Variants in CAST observed in about 807,000 individuals in gnomAD.
CAST encodes the protein MIR583 host.
CAST carries 76 observed loss-of-function variants against 119.6 expected under a neutral mutation model. That is an observed-to-expected ratio of 0.64 (90% CI 0.53 to 0.77). The LOEUF is 0.77. CAST is among the 30% of genes least tolerant of loss of function. CAST has a pLI of 0.00. For synonymous variants in CAST, 319 were observed against 331.6 expected, an observed-to-expected ratio of 0.96 and a Z score of 0.41; for missense variants, 953 against 946.5, an observed-to-expected ratio of 1.01 and a Z score of -0.09.
chr5:96,762,103 A>G (rs899001624), intron 24 of CAST, 171 bp from the exon 25 acceptor site: 3 of 446,464 alleles, frequency 6.7e-6, no homozygotes, highest in African/African-American at 6.1e-5. Flanking sequence ...AAATAATACA[A>G]TAGAGAAGAA....
chr5:96,053,660 C>G, the CAST span, among the ~76,000 whole-genome samples: 1 of 152,176 alleles, frequency 6.6e-6, no homozygotes, highest in Admixed American at 6.5e-5. Flanking sequence ...ATCAGTATCA[C>G]TTATGACTTT....
intron 1 of CAST, among the ~76,000 whole-genome samples, chr5:96,668,673 A>G (rs924271749): frequency 2.6e-5 from 4 of 152,224 alleles, no homozygotes; most frequent in African/African-American, 7.2e-5. Context: ...TTATCTGCCC[A>G]AGGTCACGGT....
the CAST span, among the ~76,000 whole-genome samples, chr5:95,978,273 T>C: frequency 6.6e-6 from 1 of 152,220 alleles, no homozygotes; most frequent in African/African-American, 2.4e-5. Context: ...CAACAGTGTA[T>C]ATGTGTTCTT....
At chr5:96,289,350 C>G in the CAST span, among the ~76,000 whole-genome samples, 2 of 152,084 alleles carry the variant, frequency 1.3e-5, no homozygotes, top group African/African-American at 4.8e-5. Flanking sequence ...GGCTGTGTCC[C>G]CACTCAAATC....
chr5:96,383,817 G>A, the CAST span, among the ~76,000 whole-genome samples: 11,779 of 152,246 alleles, frequency 0.077, 1,575 homozygotes, highest in African/African-American at 0.27. Context: ...ATCACAGTAT[G>A]AATGGAGACC....
At chr5:96,009,512 C>T in the CAST span, among the ~76,000 whole-genome samples, 1 of 152,150 alleles carries the variant, frequency 6.6e-6, no homozygotes, top group African/African-American at 2.4e-5. Flanking sequence ...GAGATGGTAT[C>T]TCAGTGTGGT....
intron 18 of CAST, among the ~76,000 whole-genome samples, chr5:96,747,888 G>C (rs1055269124): frequency 6.6e-6 from 1 of 152,126 alleles, no homozygotes; most frequent in African/African-American, 2.4e-5. Flanking sequence ...AGGAAATTGA[G>C]ACACAGAGGG....
rs1772990731 is a variant in CAST, at chr5:96,772,945, C to G, written c.*329C>G. The G allele has an allele frequency of 6.5e-6, 1 of 153,770 alleles. No homozygotes were observed. The highest frequency in any genetic ancestry group is 2.4e-5 in the African/African-American group (1 of 41,424). 9.5% of individuals were successfully genotyped at this position (153,770 alleles called of 1,614,324 possible). ...CAACACCAAAAAAACAAAAGAAAAG[C>G]TAAGTGAATTTTTGCACATTCTACA... On this transcript the variant is annotated 3_prime_UTR_variant, in exon 32 of 32. Coordinates refer to ENST00000675179, the MANE Select transcript of CAST (RefSeq NM_001750.7).
the CAST span, among the ~76,000 whole-genome samples, chr5:96,498,983 C>T: frequency 6.6e-6 from 1 of 150,732 alleles, no homozygotes; most frequent in Non-Finnish European, 1.5e-5. Context: ...TTTCCCTTCT[C>T]CTTTACAGAT....
At chr5:96,195,772 AT>A in the CAST span, among the ~76,000 whole-genome samples, 7 of 152,206 alleles carry the variant, frequency 4.6e-5, no homozygotes, top group Non-Finnish European at 1.0e-4. Context: ...AACAGATAAC[AT>A]GTTCATGCCA....
At chr5:96,296,172 T>C in the CAST span, among the ~76,000 whole-genome samples, 1 of 152,232 alleles carries the variant, frequency 6.6e-6, no homozygotes, top group African/African-American at 2.4e-5. Flanking sequence ...TAATTGGATT[T>C]CAGATCCCAC....
At chr5:96,572,153 G>T (rs1342514217) in intron 1 of CAST, among the ~76,000 whole-genome samples, 1 of 151,964 alleles carries the variant, frequency 6.6e-6, no homozygotes, top group Non-Finnish European at 1.5e-5. Flanking sequence ...CACACAATAG[G>T]TTGCAGAACT....
At position 96,633,204 on chromosome 5, in the gene CAST, C is replaced by T. The variant is rs187189495; in HGVS notation, c.61-42335C>T. Among the ~76,000 whole-genome samples the T allele has an allele frequency of 5.9e-5, 9 of 152,122 alleles. No homozygotes were observed. The East Asian group carries it at 9.7e-4, about 16-fold the overall frequency. On this transcript the variant is annotated intron_variant, in intron 1 of 11. Coordinates refer to the CAST transcript ENST00000505143. ...GTCAAGCTGGTCTGGAACTCCTGAC[C>T]GACCTCAGGTGATCCACCTGCCTCA... is the stretch of plus-strand genomic sequence containing the variant.
chr5:96,015,511 A>G, the CAST span, among the ~76,000 whole-genome samples: 4 of 152,086 alleles, frequency 2.6e-5, no homozygotes, highest in East Asian at 1.9e-4. Context: ...TTTTTTAATC[A>G]CCTATAATAT....
chr5:96,594,958 A>G (rs1747029734), intron 1 of CAST, among the ~76,000 whole-genome samples: 1 of 152,220 alleles, frequency 6.6e-6, no homozygotes, highest in African/African-American at 2.4e-5. Flanking sequence ...TTCCAGATGC[A>G]TCTCAAGTAT....
intron 15 of CAST, 32 bp from the exon 16 acceptor site, chr5:96,742,623 T>A (rs762493064): frequency 7.1e-7 from 1 of 1,409,158 alleles, no homozygotes; most frequent in South Asian, 1.2e-5. Context: ...GAGATGTCTT[T>A]TTTCATGCAC....
the CAST span, among the ~76,000 whole-genome samples, chr5:96,494,493 A>G: frequency 6.6e-6 from 1 of 152,220 alleles, no homozygotes; most frequent in Admixed American, 6.5e-5. Context: ...GGCTAAGAAT[A>G]TTGTACACAA....
the CAST span, among the ~76,000 whole-genome samples, chr5:96,054,693 A>G: frequency 6.6e-6 from 1 of 152,168 alleles, no homozygotes; most frequent in Non-Finnish European, 1.5e-5. Context: ...GTATGTGAAA[A>G]CACTTTGAAA....
the CAST span, among the ~76,000 whole-genome samples, chr5:96,469,878 T>TAA: frequency 1.1e-5 from 1 of 91,372 alleles, no homozygotes; most frequent in Non-Finnish European, 2.1e-5. Flanking sequence ...TATATATATA[T>TAA]AATATATATA....
Sources: gnomAD v4.1 joint callset for allele counts (sites outside exome capture counted in the v4.1 genomes callset) on GRCh38, gnomAD v4.1.1 for gene constraint, MANE v1.5 for transcripts, NCBI Gene and HGNC (gene_info 2026-07-23, HGNC 2026-07-21) for gene names.